The following PDE11A variants were observed in gnomAD, a reference collection of about 807,000 sequenced individuals.
The protein encoded by PDE11A is dual 3',5'-cyclic-AMP and -GMP phosphodiesterase 11A.
Under a neutral mutation model 100.5 loss-of-function variants are expected in PDE11A, and 100 were observed. That is an observed-to-expected ratio of 1.00 (90% CI 0.85 to 1.18). The LOEUF is 1.18. PDE11A is among the 50% of genes most tolerant of loss of function. The pLI is 0.00. For missense variants in PDE11A, 1,141 were observed against 1,152.6 expected (o/e 0.99, Z 0.15); for synonymous variants, 381 against 420.8 (o/e 0.91, Z 1.16).
chr2:177,814,720 T>C (rs1457339694), intron 9 of PDE11A, among the ~76,000 whole-genome samples: 2 of 152,170 alleles, frequency 1.3e-5, no homozygotes, highest in African/African-American at 4.8e-5. Flanking sequence ...GGGATCTGAG[T>C]TACATAAACA....
chr2:177,655,270 A>G (rs2080363974), intron 19 of PDE11A, among the ~76,000 whole-genome samples: 3 of 152,180 alleles, frequency 2.0e-5, no homozygotes, highest in African/African-American at 7.2e-5. Flanking sequence ...TCAAAGTTTT[A>G]TGAAATAAAA....
intron 4 of PDE11A, among the ~76,000 whole-genome samples, chr2:177,887,368 A>G (rs1415254907): frequency 6.6e-6 from 1 of 152,330 alleles, no homozygotes; most frequent in South Asian, 2.1e-4. Flanking sequence ...TGAAGAATAG[A>G]AAAGTATTAA....
chr2:177,967,622 T>C (rs946898396), intron 2 of PDE11A, among the ~76,000 whole-genome samples: 3 of 152,058 alleles, frequency 2.0e-5, no homozygotes, highest in Admixed American at 6.6e-5. Flanking sequence ...GCATCTAGTA[T>C]AGACTGACAG....
intron 5 of PDE11A, among the ~76,000 whole-genome samples, chr2:177,846,927 TAGTC>T (rs1482852772): frequency 6.6e-6 from 1 of 152,210 alleles, no homozygotes; most frequent in Non-Finnish European, 1.5e-5. Context: ...TACTTTCTAA[TAGTC>T]ATCATCCTTG....
In PDE11A at chr2:177,629,621, G is replaced by T. The variant is rs193188842; in HGVS notation, c.2647-59C>A. The stretch of plus-strand genomic sequence containing the variant: ...AGAGAGGAAACAGAGTAACTGACAT[G>T]ATTTTCCACCTTTCACTTATGAGGA... On this transcript the variant is annotated intron_variant, in intron 19 of 19. Coordinates refer to ENST00000286063, the MANE Select transcript of PDE11A (RefSeq NM_016953.4). 1.5e-4 allele frequency: 226 copies of T among 1,550,660 alleles called. 1 individual carries two copies. The highest frequency in any genetic ancestry group is 8.5e-4 in the Middle Eastern group (5 of 5,856).
At chr2:177,658,888 A>G (rs80014055) in intron 19 of PDE11A, among the ~76,000 whole-genome samples, 5,865 of 152,062 alleles carry the variant, frequency 0.039, 207 homozygotes, top group African/African-American at 0.09. Context: ...TATATTTTAA[A>G]GTTTTTTCTC....
chr2:177,796,151 A>G (rs547315251), intron 9 of PDE11A, among the ~76,000 whole-genome samples: 29 of 151,818 alleles, frequency 1.9e-4, no homozygotes, highest in Admixed American at 2.0e-4. Flanking sequence ...GCTGGGATGG[A>G]GACACTCAGA....
chr2:177,890,934 C>A (rs529653446), intron 4 of PDE11A, among the ~76,000 whole-genome samples: 1 of 152,216 alleles, frequency 6.6e-6, no homozygotes, highest in East Asian at 1.9e-4. Flanking sequence ...AAAATTATAT[C>A]AAAGACATTG....
intron 2 of PDE11A, among the ~76,000 whole-genome samples, chr2:177,918,016 AACT>A (rs1419546755): frequency 1.3e-5 from 2 of 152,260 alleles, no homozygotes; most frequent in Non-Finnish European, 2.9e-5. Flanking sequence ...GTATCTATGC[AACT>A]AAAACACAAA....
In PDE11A at chr2:177,776,499, T is replaced by C. The variant is rs946418187; in HGVS notation, c.1738-7126A>G. Among the ~76,000 whole-genome samples the C allele has an allele frequency of 3.9e-5, 6 of 152,290 alleles. No homozygotes were observed. The East Asian group carries it at 1.2e-3, about 29-fold the overall frequency. ...TACCAAATGCCTCAAGTCTGAAATATTTTCAGCAATGCTACTATTATGAGG... is the reference window on the plus strand; with the variant it reads ...TACCAAATGCCTCAAGTCTGAAATACTTTCAGCAATGCTACTATTATGAGG... On this transcript the variant is annotated intron_variant, in intron 9 of 19. Coordinates refer to ENST00000286063, the MANE Select transcript of PDE11A (RefSeq NM_016953.4).
At chr2:177,892,202 T>G (rs2105719940) in intron 4 of PDE11A, among the ~76,000 whole-genome samples, 1 of 152,312 alleles carries the variant, frequency 6.6e-6, no homozygotes, top group East Asian at 1.9e-4. Flanking sequence ...TAAAAAATCT[T>G]CAACTTGCAT....
Position 178,032,491 on chromosome 2 carries a change from A to T in PDE11A, c.913-18031T>A, listed in dbSNP as rs532794679. ...AGAGCGAGACCCCATCTCAAAAAAA[A>T]AAAAAAAGGACTTGGGTTTTCCATT... On this transcript the variant is annotated intron_variant, in intron 1 of 19. Coordinates refer to ENST00000286063, the MANE Select transcript of PDE11A (RefSeq NM_016953.4). Among the ~76,000 whole-genome samples, 31 of 152,184 alleles carry T rather than the reference A, an allele frequency of 2.0e-4. No individual in the cohort carries two copies. In the South Asian group the frequency reaches 5.4e-3, roughly 26 times the overall value.
chr2:177,847,005 AT>A (rs1375723435), intron 5 of PDE11A, among the ~76,000 whole-genome samples: 1 of 152,174 alleles, frequency 6.6e-6, no homozygotes, highest in African/African-American at 2.4e-5. Context: ...CCCTCAAAAT[AT>A]TTAGCAATAG....
intron 2 of PDE11A, among the ~76,000 whole-genome samples, chr2:178,092,187 T>C (rs1249487164): frequency 2.0e-5 from 3 of 152,356 alleles, no homozygotes; most frequent in African/African-American, 7.2e-5. Context: ...GAAATAAGTA[T>C]GTGGAAGCCA....
At chr2:177,763,183 G>C (rs2082193419) in intron 10 of PDE11A, among the ~76,000 whole-genome samples, 1 of 152,014 alleles carries the variant, frequency 6.6e-6, no homozygotes, top group Admixed American at 6.6e-5. Flanking sequence ...TGATGCAGCT[G>C]TTTCCTCTGC....
rs1357685907 is a variant in PDE11A at position 177,627,733 on chromosome 2, C to T, written c.*1674G>A. 1 of 152,212 alleles carries T rather than the reference C, an allele frequency of 6.6e-6. No individual in the cohort carries two copies. The highest frequency in any genetic ancestry group is 1.5e-5 in the Non-Finnish European group (1 of 68,102). The allele number at this position is 152,212 out of a possible 1,614,324, so 9.4% of individuals were successfully genotyped here. Reference sequence around the variant, plus strand: ...TGGTGGCAGGCACCTGTAATCCCAGCTTCTCAGGAGGTTGAGGCTGGAGAA... The same window carrying T: ...TGGTGGCAGGCACCTGTAATCCCAGTTTCTCAGGAGGTTGAGGCTGGAGAA... On this transcript the variant is annotated 3_prime_UTR_variant, in exon 20 of 20. Coordinates refer to ENST00000286063, the MANE Select transcript of PDE11A (RefSeq NM_016953.4).
chr2:177,945,617 G>A (rs1399315041), intron 2 of PDE11A, among the ~76,000 whole-genome samples: 1 of 150,674 alleles, frequency 6.6e-6, no homozygotes, highest in Admixed American at 6.6e-5. Context: ...GAGCCCCTCC[G>A]CCCGGCAGCC....
chr2:177,885,269 C>A (rs2084412276), intron 4 of PDE11A, among the ~76,000 whole-genome samples: 1 of 151,582 alleles, frequency 6.6e-6, no homozygotes, highest in Non-Finnish European at 1.5e-5. Flanking sequence ...ATATAATTGG[C>A]CCTCTTTATC....
chr2:178,071,803 A>G lies in PDE11A; in HGVS notation c.635T>C (p.Ile212Thr), dbSNP rs1462831927. 15 of 1,613,552 alleles carry G rather than the reference A, an allele frequency of 9.3e-6. No homozygotes were observed. Among genetic ancestry groups the G allele is most frequent in the Non-Finnish European group, 1.3e-5 (15 of 1,179,568 alleles). ...GCTGGTGAGGTCAAGGTCATTGGAG[A>G]TATCTTTGACCAATTCCAGAAAGAA... ...RQFFLELVKD[I>T]SNDLDLTSLS... is the part of the protein sequence containing the mutation. The change falls in exon 1 of 20, where the codon ATC becomes ACC. Residue 212 changes from isoleucine (I) to threonine (T), a missense_variant. By Grantham distance (89) the Ile-to-Thr change is moderately conservative. Transcript: ENST00000286063.
Sources: allele counts gnomAD v4.1 joint callset (sites outside exome capture counted in the v4.1 genomes callset), GRCh38; gene constraint gnomAD v4.1.1; transcripts MANE v1.5; gene names NCBI Gene and HGNC (gene_info 2026-07-23, HGNC 2026-07-21).